Variants in VAV2 observed in about 807,000 individuals in gnomAD.
VAV2 encodes guanine nucleotide exchange factor VAV2.
In VAV2, 67 loss-of-function variants were observed where a neutral mutation model predicts 132.5. The ratio of observed to expected loss-of-function variants is 0.51; its 90% CI spans 0.42 to 0.62. The LOEUF (loss-of-function observed/expected upper bound fraction) is 0.62, where lower values mean the gene tolerates loss of function less well. VAV2 is among the 20% of genes least tolerant of loss of function. The probability of loss-of-function intolerance (pLI) is 0.00; values close to 1 mark genes in which losing one functional copy is unlikely to be tolerated. For synonymous variants in VAV2, 492 were observed against 443.5 expected, an observed-to-expected ratio of 1.11 and a Z score of -1.37; for missense variants, 938 against 1,153.6, an observed-to-expected ratio of 0.81 and a Z score of 2.71.
At chr9:133,945,537 C>T (rs371479700) in intron 1 of VAV2, among the ~76,000 whole-genome samples, 6 of 152,318 alleles carry the variant, frequency 3.9e-5, no homozygotes, top group East Asian at 3.9e-4. Flanking sequence ...AACCCAGGCC[C>T]GGTTCCTCTC....
intron 1 of VAV2, among the ~76,000 whole-genome samples, chr9:133,952,430 C>G (rs920963915): frequency 7.9e-5 from 12 of 152,166 alleles, no homozygotes; most frequent in Admixed American, 7.8e-4. Context: ...GGTGAAACCC[C>G]ATCTCTACTA....
At chr9:133,842,276 G>T (rs962097601) in intron 3 of VAV2, among the ~76,000 whole-genome samples, 2 of 152,190 alleles carry the variant, frequency 1.3e-5, no homozygotes, top group African/African-American at 2.4e-5. Context: ...AGAAGAGAAG[G>T]CCCCGCACGG....
At position 133,928,699 on chromosome 9, in the gene VAV2, T is replaced by A. The variant is rs1250616960; in HGVS notation, c.321+10404A>T. ...GGGTGCTGGATCAATACCCCAAGGT[T>A]ACTGCTGTGTTCTCCCCTGGCCAGA... is the stretch of plus-strand genomic sequence containing the variant. On this transcript the variant is annotated intron_variant, in intron 2 of 29. Transcript: ENST00000371850. This position sits in a 1 kb window ranked among gnomAD's most constrained non-coding sequence, Gnocchi z 5.4. 6.6e-6 allele frequency among the ~76,000 whole-genome samples: 1 copy of A among 152,188 alleles called. No homozygotes were observed. Among genetic ancestry groups the A allele is most frequent in the Non-Finnish European group, 1.5e-5 (1 of 68,022 alleles).
intron 2 of VAV2, chr9:133,927,735 A>C (rs1317392894): frequency 4.6e-5 from 7 of 152,306 alleles, no homozygotes; most frequent in Non-Finnish European, 1.0e-4. Flanking sequence ...AATGACCCTC[A>C]AGCAGGTACA....
intron 2 of VAV2, among the ~76,000 whole-genome samples, chr9:133,929,175 T>C (rs1323632544): frequency 6.6e-6 from 1 of 152,146 alleles, no homozygotes; most frequent in Non-Finnish European, 1.5e-5. Context: ...CATCACAACC[T>C]GTCCCCAGCC....
intron 3 of VAV2, among the ~76,000 whole-genome samples, chr9:133,837,691 T>A (rs1836525245): frequency 1.3e-5 from 2 of 149,220 alleles, no homozygotes; most frequent in Non-Finnish European, 3.0e-5. Flanking sequence ...AGAGTGAGAC[T>A]CCATCTCAAA....
In VAV2 at chr9:133,834,419, A is replaced by C; in HGVS notation, c.381-79T>G. On this transcript the variant is annotated intron_variant, in intron 3 of 29. Transcript: ENST00000371850. The surrounding 1 kb of genome is among the most constrained non-coding windows in gnomAD (Gnocchi z 5.9). ...TGGGACCCCAGCTGGACCCCACAGC[A>C]GAGCCCAGTGTGGCCCAGCCAGGAG... is the stretch of plus-strand genomic sequence containing the variant. 1.3e-6 allele frequency: 2 copies of C among 1,486,272 alleles called. No homozygotes were observed. The highest frequency in any genetic ancestry group is 1.8e-6 in the Non-Finnish European group (2 of 1,085,524). 92.1% of individuals were successfully genotyped at this position (1,486,272 alleles called of 1,614,324 possible).
chr9:133,761,968 T>C lies in VAV2; in HGVS notation c.*2094A>G, dbSNP rs533018957. 7 of 152,748 alleles carry C rather than the reference T, an allele frequency of 4.6e-5. No homozygotes were observed. Among genetic ancestry groups the C allele is most frequent in the African/African-American group, 1.7e-4 (7 of 41,570 alleles). 9.5% of individuals were successfully genotyped at this position (152,748 alleles called of 1,614,324 possible). ...AAAACCCATTGGCAAATGTACAGTTTGTGTCCATTTGGGGTTCCCGCCAGC... is the reference window on the plus strand; with the variant it reads ...AAAACCCATTGGCAAATGTACAGTTCGTGTCCATTTGGGGTTCCCGCCAGC... On this transcript the variant is annotated 3_prime_UTR_variant, in exon 30 of 30. Coordinates refer to ENST00000371850, the MANE Select transcript of VAV2 (RefSeq NM_001134398.2).
chr9:133,852,871 T>G (rs2131843228), intron 3 of VAV2, among the ~76,000 whole-genome samples: 1 of 152,134 alleles, frequency 6.6e-6, no homozygotes, highest in Non-Finnish European at 1.5e-5. Flanking sequence ...GCTGACCCAT[T>G]GGGCCCCCCC....
chr9:133,915,492 T>A (rs1185160476), intron 2 of VAV2, among the ~76,000 whole-genome samples: 1 of 152,200 alleles, frequency 6.6e-6, no homozygotes, highest in Non-Finnish European at 1.5e-5. Flanking sequence ...GTGCCCACTT[T>A]ACAAAGCACC....
At chr9:133,825,820 C>A (rs187713886) in intron 4 of VAV2, among the ~76,000 whole-genome samples, 13 of 152,184 alleles carry the variant, frequency 8.5e-5, no homozygotes, top group African/African-American at 3.1e-4. Flanking sequence ...CCTCCCAGGT[C>A]GCCGCCAGCA....
At chr9:133,937,322 G>A (rs1172220997) in intron 2 of VAV2, among the ~76,000 whole-genome samples, 1 of 151,908 alleles carries the variant, frequency 6.6e-6, no homozygotes, top group African/African-American at 2.4e-5. Context: ...ATGTCTGGGT[G>A]TGGGTGTGAA....
At chr9:133,877,404 C>T (rs1838306110) in intron 2 of VAV2, among the ~76,000 whole-genome samples, 1 of 152,202 alleles carries the variant, frequency 6.6e-6, no homozygotes, top group Admixed American at 6.5e-5. Flanking sequence ...ATCACACTGC[C>T]AGGAACCTTC....
Position 133,824,928 on chromosome 9 carries a change from CA to C in VAV2, c.449+9343del, listed in dbSNP as rs1250611802. 1.3e-5 allele frequency among the ~76,000 whole-genome samples: 2 copies of C among 152,100 alleles called. No individual in the cohort carries two copies. The highest frequency in any genetic ancestry group is 2.9e-5 in the Non-Finnish European group (2 of 67,966). ...GGAGATGCAACTGGAAGCGTCTTGA[CA>C]GAGGGACCCTCCGGGGACGCTGGCT... On this transcript the variant is annotated intron_variant, in intron 4 of 29. Coordinates refer to ENST00000371850, the MANE Select transcript of VAV2 (RefSeq NM_001134398.2). This position sits in a 1 kb window ranked among gnomAD's most constrained non-coding sequence, Gnocchi z 5.2.
Position 133,834,305 on chromosome 9 carries a change from T to C in VAV2, c.416A>G (p.Asp139Gly), listed in dbSNP as rs374867136. ...FPSEETTENDDDVYRSLEELA... is the reference protein window; with the variant it reads ...FPSEETTENDGDVYRSLEELA... ...CTCCTCCAGGCTGCGGTAGACGTCA[T>C]CGTCATTCTCTGTGGTCTCCTCTGA... is the stretch of plus-strand genomic sequence containing the variant. The change falls in exon 4 of 30, where the codon GAT becomes GGT. Residue 139 changes from aspartate (D) to glycine (G), a missense_variant. Transcript: ENST00000371850. This position sits in a 1 kb window ranked among gnomAD's most constrained non-coding sequence, Gnocchi z 5.9. The C allele has an allele frequency of 2.9e-5, 46 of 1,612,136 alleles. No homozygotes were observed. The highest frequency in any genetic ancestry group is 3.4e-5 in the Non-Finnish European group (40 of 1,179,158).
chr9:133,786,673 C>A (rs919570856), intron 16 of VAV2, among the ~76,000 whole-genome samples: 1 of 152,246 alleles, frequency 6.6e-6, no homozygotes, highest in Non-Finnish European at 1.5e-5. Context: ...TGAAGCCATC[C>A]CCGACTGAGC....
chr9:133,815,875 G>A (rs1835540465), intron 4 of VAV2, among the ~76,000 whole-genome samples: 4 of 152,190 alleles, frequency 2.6e-5, no homozygotes, highest in South Asian at 2.1e-4. Context: ...GGAACTCCTG[G>A]TCAAAGGGGA....
chr9:133,814,377 C>G (rs1835475192), intron 4 of VAV2, among the ~76,000 whole-genome samples: 1 of 152,228 alleles, frequency 6.6e-6, no homozygotes, highest in South Asian at 2.1e-4. Flanking sequence ...CGGCTGCCAG[C>G]CACCCCACGT....
At chr9:133,853,912 G>C (rs1265406377) in intron 3 of VAV2, among the ~76,000 whole-genome samples, 4 of 152,128 alleles carry the variant, frequency 2.6e-5, no homozygotes, top group African/African-American at 7.2e-5. Flanking sequence ...CCTACATTCA[G>C]ACTCAACTGT....
Sources: gnomAD v4.1 joint callset for allele counts (sites outside exome capture counted in the v4.1 genomes callset) on GRCh38, gnomAD v4.1.1 for gene constraint, Gnocchi (gnomAD v3.1) non-coding constraint, MANE v1.5 for transcripts, NCBI Gene and HGNC (gene_info 2026-07-23, HGNC 2026-07-21) for gene names.